The following THSD7B variants were observed in gnomAD, a reference collection of about 807,000 sequenced individuals.
THSD7B encodes the protein thrombospondin type 1 domain containing 7B.
A neutral mutation model predicts 213.6 loss-of-function variants in THSD7B; 138 were observed. The observed-to-expected ratio is 0.65, with a 90% confidence interval of 0.56 to 0.74. The LOEUF (loss-of-function observed/expected upper bound fraction) is 0.74, where lower values mean the gene tolerates loss of function less well. THSD7B is among the 30% of genes least tolerant of loss of function. The pLI, the probability that THSD7B is intolerant of heterozygous loss-of-function variation, is 0.00. For synonymous variants in THSD7B, 742 were observed against 687.0 expected, an observed-to-expected ratio of 1.08 and a Z score of -1.25; for missense variants, 1,931 against 1,991.5, an observed-to-expected ratio of 0.97 and a Z score of 0.58.
chr2:137,006,694 A>G (rs1686120811), intron 2 of THSD7B, among the ~76,000 whole-genome samples: 1 of 152,226 alleles, frequency 6.6e-6, no homozygotes, highest in Non-Finnish European at 1.5e-5. Context: ...TTAACGCTGC[A>G]ACAAATTTGA....
intron 2 of THSD7B, among the ~76,000 whole-genome samples, chr2:136,919,956 G>C (rs35394862): frequency 0.11 from 17,152 of 152,290 alleles, 1,119 homozygotes; most frequent in African/African-American, 0.17. Context: ...GAACATGGTG[G>C]TGCCTGGAAG....
intron 15 of THSD7B, among the ~76,000 whole-genome samples, chr2:137,457,014 A>G (rs1173165116): frequency 6.6e-6 from 1 of 152,194 alleles, no homozygotes; most frequent in Non-Finnish European, 1.5e-5. Context: ...AATGGAGCTT[A>G]GAGGAGAGGC....
At chr2:137,506,073 G>A (rs1231194635) in intron 15 of THSD7B, among the ~76,000 whole-genome samples, 1 of 152,152 alleles carries the variant, frequency 6.6e-6, no homozygotes, top group African/African-American at 2.4e-5. Flanking sequence ...CCCTGGGGAA[G>A]GGGACTCCTC....
At chr2:137,193,640 C>T (rs150011464) in intron 7 of THSD7B, among the ~76,000 whole-genome samples, 95 of 152,050 alleles carry the variant, frequency 6.2e-4, no homozygotes, top group African/African-American at 2.2e-3. Context: ...CCCGCCTTGC[C>T]AACACTGAGG....
chr2:137,438,401 T>A (rs1225554802), intron 14 of THSD7B, among the ~76,000 whole-genome samples: 1 of 152,186 alleles, frequency 6.6e-6, no homozygotes, highest in African/African-American at 2.4e-5. Context: ...GGTACTGTTA[T>A]TAACCCCATT....
At chr2:136,801,288 C>G (rs1437935218) in intron 1 of THSD7B, among the ~76,000 whole-genome samples, 1 of 152,010 alleles carries the variant, frequency 6.6e-6, no homozygotes, top group East Asian at 1.9e-4. Context: ...GGAGGACCAC[C>G]AAAGTTCAGT....
At chr2:137,353,932 A>G (rs1321431998) in intron 12 of THSD7B, among the ~76,000 whole-genome samples, 1 of 152,060 alleles carries the variant, frequency 6.6e-6, no homozygotes, top group Non-Finnish European at 1.5e-5. Flanking sequence ...TCTTTGTGCC[A>G]GTTTTCATTA....
intron 7 of THSD7B, among the ~76,000 whole-genome samples, chr2:137,193,210 T>C (rs1170529967): frequency 1.3e-5 from 2 of 152,216 alleles, no homozygotes; most frequent in East Asian, 3.9e-4. Flanking sequence ...CACACATGTG[T>C]GTATGTATGT....
At chr2:137,445,990 A>G (rs1416325180) in intron 14 of THSD7B, among the ~76,000 whole-genome samples, 1 of 151,748 alleles carries the variant, frequency 6.6e-6, no homozygotes, top group Non-Finnish European at 1.5e-5. Flanking sequence ...TTAACTCACA[A>G]GATTCTCCCG....
intron 14 of THSD7B, among the ~76,000 whole-genome samples, chr2:137,441,002 A>C (rs769857171): frequency 1.3e-5 from 2 of 152,134 alleles, no homozygotes; most frequent in Non-Finnish European, 2.9e-5. Context: ...TGCTATTTAA[A>C]GAGCAGATTC....
chr2:137,361,311 G>C (rs932796386), intron 12 of THSD7B, among the ~76,000 whole-genome samples: 9 of 152,176 alleles, frequency 5.9e-5, no homozygotes, highest in Non-Finnish European at 1.0e-4. Context: ...CTAAAAACCA[G>C]AGCGCCCCTT....
intron 17 of THSD7B, among the ~76,000 whole-genome samples, chr2:137,575,905 T>G (rs530925672): frequency 2.4e-4 from 36 of 151,942 alleles, no homozygotes; most frequent in Non-Finnish European, 4.6e-4. Context: ...CATACAAATA[T>G]ACAGACATTT....
chr2:137,113,930 G>A (rs75779056), intron 4 of THSD7B, among the ~76,000 whole-genome samples: 5,141 of 152,136 alleles, frequency 0.034, 139 homozygotes, highest in Admixed American at 0.06. Context: ...TTCTATGGTG[G>A]GCTTTTCACA....
Position 136,983,370 on chromosome 2 carries a change from C to CACACACA in THSD7B, c.140-73050_140-73049insACACACA, listed in dbSNP as rs763445594. Among the ~76,000 whole-genome samples the CACACACA allele has an allele frequency of 7.3e-4, 105 of 144,192 alleles. 2 individuals carry two copies. The highest frequency in any genetic ancestry group is 9.2e-4 in the South Asian group (4 of 4,366). The allele number at this position is 144,192 out of a possible 152,430, so 94.6% of individuals were successfully genotyped here. A position where few individuals can be genotyped will look rare whatever the true frequency, so the allele number is the denominator to read the frequency against. On this transcript the variant is annotated intron_variant, in intron 2 of 27. Transcript: ENST00000409968. ...ACACAGACACACAGACACACACACA[C>CACACACA]GCACACACACTCACTCTCTCTCTCT...
chr2:137,426,660 G>A (rs1378737686), intron 14 of THSD7B, among the ~76,000 whole-genome samples: 1 of 152,064 alleles, frequency 6.6e-6, no homozygotes, highest in African/African-American at 2.4e-5. Context: ...ACTCAAAATA[G>A]TTTAAAGATT....
chr2:136,909,041 G>C (rs1047025439), intron 2 of THSD7B, among the ~76,000 whole-genome samples: 1 of 152,040 alleles, frequency 6.6e-6, no homozygotes, highest in Non-Finnish European at 1.5e-5. Context: ...AAGTTAGTCA[G>C]GCATGATGGC....
intron 15 of THSD7B, among the ~76,000 whole-genome samples, chr2:137,522,042 G>T (rs1034861769): frequency 3.3e-5 from 5 of 152,214 alleles, no homozygotes; most frequent in Non-Finnish European, 5.9e-5. Flanking sequence ...CAACTTCCCA[G>T]ATGGAGATAA....
At chr2:137,086,075 G>A (rs538918187) in intron 3 of THSD7B, among the ~76,000 whole-genome samples, 6 of 152,068 alleles carry the variant, frequency 3.9e-5, no homozygotes, top group Admixed American at 1.3e-4. Context: ...GGCTGGGTGC[G>A]GTGGCTTATG....
intron 2 of THSD7B, among the ~76,000 whole-genome samples, chr2:137,024,006 TG>T (rs1347738284): frequency 6.6e-6 from 1 of 152,056 alleles, no homozygotes; most frequent in Non-Finnish European, 1.5e-5. Context: ...TTCCAAGAAC[TG>T]GGTTGGAAGA....
Sources: gnomAD v4.1 joint callset for allele counts (sites outside exome capture counted in the v4.1 genomes callset) on GRCh38, gnomAD v4.1.1 for gene constraint, MANE v1.5 for transcripts, NCBI Gene and HGNC (gene_info 2026-07-23, HGNC 2026-07-21) for gene names.